TAX1BP1: variants seen among roughly 807,000 people sequenced by gnomAD.
TAX1BP1 encodes Tax1 binding protein 1.
Under a neutral mutation model 97.7 loss-of-function variants are expected in TAX1BP1, and 62 were observed. The observed-to-expected ratio is 0.63, with a 90% CI of 0.52 to 0.78. The LOEUF is 0.78. Ranked by LOEUF, TAX1BP1 falls within the 30% of genes least tolerant of loss-of-function variation. The pLI is 0.00. For synonymous variants in TAX1BP1, 340 were observed against 304.2 expected (o/e 1.12, Z -1.23); for missense variants, 867 against 916.1 (o/e 0.95, Z 0.69).
chr7:27,744,575 T>G (rs1392395119), intron 1 of TAX1BP1, among the ~76,000 whole-genome samples: 3 of 152,228 alleles, frequency 2.0e-5, no homozygotes, highest in African/African-American at 7.2e-5. Context: ...AAAGCTTAAT[T>G]TGGCTTCATA....
intron 13 of TAX1BP1, among the ~76,000 whole-genome samples, chr7:27,810,059 C>A (rs189655641): frequency 1.3e-5 from 2 of 151,954 alleles, no homozygotes; most frequent in Admixed American, 1.3e-4. Flanking sequence ...AGGTGTGTGC[C>A]ACCACGCCTG....
At chr7:27,766,626 A>G (rs1053327442) in intron 4 of TAX1BP1, among the ~76,000 whole-genome samples, 7 of 152,068 alleles carry the variant, frequency 4.6e-5, no homozygotes, top group African/African-American at 9.7e-5. Context: ...GTAAGTACCA[A>G]TTGGGAGAGT....
chr7:27,770,151 G>A (rs1788790736), intron 5 of TAX1BP1, among the ~76,000 whole-genome samples: 1 of 151,912 alleles, frequency 6.6e-6, no homozygotes, highest in South Asian at 2.1e-4. Context: ...AATTAGAAAT[G>A]ATAAACGCTG....
intron 13 of TAX1BP1, among the ~76,000 whole-genome samples, chr7:27,809,797 C>G (rs1790481889): frequency 6.6e-6 from 1 of 152,058 alleles, no homozygotes; most frequent in Non-Finnish European, 1.5e-5. Flanking sequence ...TCATGAAACC[C>G]TTGACTCTAT....
At chr7:27,803,557 G>T (rs1448579800) in intron 13 of TAX1BP1, among the ~76,000 whole-genome samples, 1 of 152,126 alleles carries the variant, frequency 6.6e-6, no homozygotes. Flanking sequence ...TTTTCTCCCT[G>T]CTGTGACATT....
At chr7:27,812,037 A>G (rs1790578477) in intron 13 of TAX1BP1, among the ~76,000 whole-genome samples, 2 of 152,192 alleles carry the variant, frequency 1.3e-5, no homozygotes, top group South Asian at 2.1e-4. Context: ...GCGGGCTTAT[A>G]TGGTAAGTGT....
At chr7:27,809,219 G>A (rs1040697502) in intron 13 of TAX1BP1, among the ~76,000 whole-genome samples, 11 of 152,218 alleles carry the variant, frequency 7.2e-5, no homozygotes, top group Non-Finnish European at 1.3e-4. Flanking sequence ...AGATTTAGCA[G>A]CATGTCTGAT....
At chr7:27,771,729 G>A (rs932938865) in intron 5 of TAX1BP1, among the ~76,000 whole-genome samples, 14 of 152,088 alleles carry the variant, frequency 9.2e-5, no homozygotes, top group South Asian at 4.2e-4. Flanking sequence ...TGACAGTCAC[G>A]AATCTTGGAG....
At chr7:27,766,622 A>G (rs1788655999) in intron 4 of TAX1BP1, among the ~76,000 whole-genome samples, 1 of 152,044 alleles carries the variant, frequency 6.6e-6, no homozygotes, top group Non-Finnish European at 1.5e-5. Context: ...TGCAGTAAGT[A>G]CCAATTGGGA....
chr7:27,749,239 T>G (rs942191239), intron 2 of TAX1BP1, among the ~76,000 whole-genome samples: 6 of 152,240 alleles, frequency 3.9e-5, no homozygotes, highest in African/African-American at 1.4e-4. Context: ...TATAATACTT[T>G]CTTGAAAATG....
At chr7:27,774,292 A>G (rs1457631839) in intron 5 of TAX1BP1, among the ~76,000 whole-genome samples, 1 of 152,112 alleles carries the variant, frequency 6.6e-6, no homozygotes, top group African/African-American at 2.4e-5. Flanking sequence ...ACAACTTGTC[A>G]TCAGATAGAG....
rs575721132 is a variant in TAX1BP1, at chr7:27,799,795, A to T, written c.1639-170A>T. Among the ~76,000 whole-genome samples the T allele has an allele frequency of 5.3e-5, 8 of 152,198 alleles. No homozygotes were observed. In the South Asian group the frequency reaches 1.7e-3, roughly 32 times the overall value. On this transcript the variant is annotated intron_variant, in intron 12 of 16. Coordinates refer to ENST00000396319, the MANE Select transcript of TAX1BP1 (RefSeq NM_006024.7). ...ATATATATACTATTTCATTGTGTGG[A>T]TAGAAAATGATTTATCCAATTGTCT...
Position 27,827,753 on chromosome 7 carries a change from C to T in TAX1BP1, c.2101C>T (p.Pro701Ser). The T allele has an allele frequency of 1.2e-6, 2 of 1,613,486 alleles. No individual in the cohort carries two copies. Among genetic ancestry groups the T allele is most frequent in the Non-Finnish European group, 1.7e-6 (2 of 1,179,596 alleles). ...TTTCCCCTAGGAAGATGAGAATGTG[C>T]CTACTGCTCCTGATCCTCCAAGTCA... ...SEDSKEDENV[P>S]TAPDPPSQHL... The change falls in exon 16 of 17, where the codon CCT (proline) becomes TCT (serine). Residue 701 changes from proline to serine, a missense_variant. Coordinates refer to ENST00000396319, the MANE Select transcript of TAX1BP1 (RefSeq NM_006024.7).
intron 8 of TAX1BP1, 66 bp downstream of exon 8, chr7:27,787,669 T>G: frequency 7.4e-7 from 1 of 1,357,114 alleles, no homozygotes; most frequent in Non-Finnish European, 9.8e-7. Flanking sequence ...TGCAATATGA[T>G]TTTCATTTTT....
At chr7:27,806,258 A>G (rs1349209279) in intron 13 of TAX1BP1, among the ~76,000 whole-genome samples, 1 of 151,804 alleles carries the variant, frequency 6.6e-6, no homozygotes, top group Non-Finnish European at 1.5e-5. Flanking sequence ...GCTAATTTGT[A>G]TATTTTTAGT....
chr7:27,765,489 C>G (rs967476530), intron 3 of TAX1BP1, among the ~76,000 whole-genome samples: 10 of 152,192 alleles, frequency 6.6e-5, no homozygotes, highest in African/African-American at 2.4e-4. Context: ...CACTCCCAGT[C>G]CTCAGTAGAC....
rs537050923 is a variant in TAX1BP1 at position 27,764,434 on chromosome 7, A to C, written c.266-1400A>C. ...ATTGAAGTTATGCATTTTTGGGAAG[A>C]ATGCCATAGAAACAGTATTGTACCT... is the stretch of plus-strand genomic sequence containing the variant. On this transcript the variant is annotated intron_variant, in intron 3 of 16. Transcript: ENST00000396319. Among the ~76,000 whole-genome samples, 11 of 152,320 alleles carry C rather than the reference A, an allele frequency of 7.2e-5. No homozygotes were observed. The South Asian group carries it at 2.3e-3, about 32-fold the overall frequency.
At chr7:27,743,786 T>A (rs1787711541) in intron 1 of TAX1BP1, among the ~76,000 whole-genome samples, 1 of 1,148 alleles carries the variant, frequency 8.7e-4, no homozygotes, top group Non-Finnish European at 1.2e-3. Context: ...TTTTTTTTTT[T>A]TTTTTTTTTT....
At chr7:27,807,949 A>G (rs994878508) in intron 13 of TAX1BP1, among the ~76,000 whole-genome samples, 1 of 152,178 alleles carries the variant, frequency 6.6e-6, no homozygotes, top group Non-Finnish European at 1.5e-5. Flanking sequence ...TTTAACTAAT[A>G]AGAGCCCCTG....
Sources: allele counts gnomAD v4.1 joint callset (sites outside exome capture counted in the v4.1 genomes callset), GRCh38; gene constraint gnomAD v4.1.1; transcripts MANE v1.5; gene names NCBI Gene and HGNC (gene_info 2026-07-23, HGNC 2026-07-21).